Variants in NEBL observed in about 807,000 individuals in gnomAD.
NEBL encodes the protein nebulette, also known as LIM and SH3 protein 2.
Under a neutral mutation model 140.2 loss-of-function variants are expected in NEBL, and 122 were observed. That is an observed-to-expected ratio of 0.87 (90% CI 0.75 to 1.01). NEBL has a LOEUF of 1.01. NEBL is among the 50% of genes least tolerant of loss of function. The probability of loss-of-function intolerance (pLI) is 0.00; values close to 1 mark genes in which losing one functional copy is unlikely to be tolerated. For missense variants in NEBL, 1,365 were observed against 1,231.3 expected (o/e 1.11, Z -1.62); for synonymous variants, 436 against 398.9 (o/e 1.09, Z -1.11).
chr10:21,264,274 G>T (rs1842773670), intron 1 of NEBL, among the ~76,000 whole-genome samples: 2 of 152,182 alleles, frequency 1.3e-5, no homozygotes. Flanking sequence ...TATATAAAGA[G>T]CATCTCTCAT....
At chr10:20,967,336 G>A (rs1836363049) in intron 3 of NEBL, among the ~76,000 whole-genome samples, 1 of 152,170 alleles carries the variant, frequency 6.6e-6, no homozygotes, top group Non-Finnish European at 1.5e-5. Context: ...AGCAAGAAAT[G>A]TAGACACAGG....
chr10:20,897,432 T>C, upstream of NEBL: 2 of 1,256,566 alleles, frequency 1.6e-6, no homozygotes, highest in East Asian at 3.2e-5. Flanking sequence ...GGAAATAACA[T>C]ATTCTTAAGC....
chr10:21,191,361 C>G (rs1290878684), intron 3 of NEBL, among the ~76,000 whole-genome samples: 1 of 152,158 alleles, frequency 6.6e-6, no homozygotes, highest in Non-Finnish European at 1.5e-5. Flanking sequence ...AAGTAACTTG[C>G]CCAAGATCAC....
intron 4 of NEBL, among the ~76,000 whole-genome samples, chr10:20,918,215 G>A (rs1176515831): frequency 6.6e-6 from 1 of 152,066 alleles, no homozygotes; most frequent in African/African-American, 2.4e-5. Flanking sequence ...AAAATTAGCT[G>A]GACATGGTGA....
At chr10:20,805,279 T>C (rs183807113) in intron 26 of NEBL, among the ~76,000 whole-genome samples, 280 of 152,314 alleles carry the variant, frequency 1.8e-3, no homozygotes, top group African/African-American at 6.4e-3. Context: ...TCACTAATCA[T>C]TTGAATACTG....
chr10:21,173,748 G>T lies in NEBL; in HGVS notation c.69+17C>A. ...TCGCCCGGCAGGTCCAGGCTGGCCC[G>T]GCGCCCCCTCGCTCACCTTATCCAG... On this transcript the variant is annotated intron_variant, in intron 1 of 6. Coordinates refer to the NEBL transcript ENST00000417816. The surrounding 1 kb of genome is among the most constrained non-coding windows in gnomAD (Gnocchi z 5.7). 1 of 1,611,830 alleles carries T rather than the reference G, an allele frequency of 6.2e-7. No homozygotes were observed. Among genetic ancestry groups the T allele is most frequent in the Non-Finnish European group, 8.5e-7 (1 of 1,179,508 alleles).
At chr10:20,866,341 C>T (rs1019398547) in intron 7 of NEBL, among the ~76,000 whole-genome samples, 7 of 152,000 alleles carry the variant, frequency 4.6e-5, no homozygotes, top group African/African-American at 1.2e-4. Context: ...GCCACTGAAC[C>T]GCACACTTAA....
intron 11 of NEBL, among the ~76,000 whole-genome samples, chr10:20,848,604 A>G (rs1842182584): frequency 6.6e-6 from 1 of 150,866 alleles, no homozygotes; most frequent in South Asian, 2.1e-4. Flanking sequence ...TTCTCATAGA[A>G]GCACAAACCC....
intron 7 of NEBL, chr10:20,867,700 A>G (rs892740776): frequency 3.3e-5 from 5 of 152,072 alleles, no homozygotes; most frequent in African/African-American, 1.2e-4. Flanking sequence ...TCATTTTTGT[A>G]TATGGTTTAA....
At chr10:20,969,528 T>C (rs1281927596) in intron 3 of NEBL, among the ~76,000 whole-genome samples, 5 of 149,650 alleles carry the variant, frequency 3.3e-5, no homozygotes, top group Admixed American at 3.3e-4. Context: ...ACATTAAAAA[T>C]GACTTTTTTT....
At chr10:21,163,201 C>G (rs1181785663) in intron 2 of NEBL, among the ~76,000 whole-genome samples, 1 of 152,088 alleles carries the variant, frequency 6.6e-6, no homozygotes, top group Non-Finnish European at 1.5e-5. Context: ...CTGCTAGAAA[C>G]CCAGTTTTTT....
chr10:20,926,957 A>G (rs1833941921), intron 4 of NEBL, among the ~76,000 whole-genome samples: 2 of 152,208 alleles, frequency 1.3e-5, no homozygotes, highest in South Asian at 4.1e-4. Context: ...GAGATCACAG[A>G]TGAGTGGGGA....
chr10:21,072,154 C>A, intron 2 of NEBL, among the ~76,000 whole-genome samples: 1 of 152,110 alleles, frequency 6.6e-6, no homozygotes, highest in South Asian at 2.1e-4. Flanking sequence ...GAAAGAGAAT[C>A]GGTTCCATGC....
At chr10:20,962,225 G>GC (rs1395907913) in intron 3 of NEBL, among the ~76,000 whole-genome samples, 1 of 152,180 alleles carries the variant, frequency 6.6e-6, no homozygotes, top group African/African-American at 2.4e-5. Flanking sequence ...TCCTGTGCCC[G>GC]CCTGTCAGTG....
chr10:21,095,375 A>G (rs1837138731), intron 2 of NEBL, among the ~76,000 whole-genome samples: 1 of 152,196 alleles, frequency 6.6e-6, no homozygotes, highest in Non-Finnish European at 1.5e-5. Context: ...GACCGTTGAC[A>G]AGGAAAGATG....
intron 4 of NEBL, among the ~76,000 whole-genome samples, chr10:20,947,535 AAG>A: frequency 6.6e-6 from 1 of 152,188 alleles, no homozygotes. Context: ...TTAACTTCTA[AAG>A]ATATAATTGT....
At chr10:21,233,713 T>TATATATGGATATATATTAC (rs1842299694) in intron 3 of NEBL, among the ~76,000 whole-genome samples, 1 of 144,396 alleles carries the variant, frequency 6.9e-6, no homozygotes, top group African/African-American at 2.5e-5. Context: ...TATATATGCA[T>TATATATGGATATATATTAC]ATATATGGAT....
chr10:21,292,034 T>A (rs1225151946), intron 1 of NEBL, among the ~76,000 whole-genome samples: 5 of 152,218 alleles, frequency 3.3e-5, no homozygotes, highest in African/African-American at 9.6e-5. Context: ...ATAAACACAG[T>A]CCAGCTATAT....
chr10:21,245,847 C>A (rs932529893), intron 3 of NEBL, among the ~76,000 whole-genome samples: 1 of 152,228 alleles, frequency 6.6e-6, no homozygotes, highest in African/African-American at 2.4e-5. Context: ...AGGTGCCCAC[C>A]ACTACGCCTG....
Sources: allele counts gnomAD v4.1 joint callset (sites outside exome capture counted in the v4.1 genomes callset), GRCh38; gene constraint gnomAD v4.1.1; non-coding constraint Gnocchi (gnomAD v3.1); transcripts MANE v1.5; gene names NCBI Gene and HGNC (gene_info 2026-07-23, HGNC 2026-07-21).